RTL4: variants seen among roughly 807,000 people sequenced by gnomAD.
RTL4 encodes the protein retrotransposon Gag like 4, also known as retrotransposon Gag-like protein 4.
In RTL4, 4 loss-of-function variants were observed where a neutral mutation model predicts 5.3. The observed-to-expected ratio is 0.75, with a 90% CI of 0.37 to 1.72. RTL4 has a LOEUF of 1.72. Among genes scored for constraint, RTL4 ranks in the 40% most tolerant of loss-of-function variants. The pLI is 0.04. For synonymous variants in RTL4, 98 were observed against 87.3 expected, an observed-to-expected ratio of 1.12 and a Z score of -0.68; for missense variants, 260 against 227.1, an observed-to-expected ratio of 1.14 and a Z score of -0.93.
the RTL4 span, among the ~76,000 whole-genome samples, chrX:112,361,714 G>A: frequency 6.3e-5 from 7 of 110,725 alleles, no homozygotes; most frequent in South Asian, 3.8e-4. Flanking sequence ...TTCTGGTCTC[G>A]TGAATGTGTG....
chrX:112,260,710 C>G, the RTL4 span, among the ~76,000 whole-genome samples: 4 of 111,879 alleles, frequency 3.6e-5, no homozygotes, highest in Non-Finnish European at 1.9e-5. Context: ...CATAAGGCCG[C>G]TGCTTTCTCA....
chrX:112,400,750 T>G, the RTL4 span, among the ~76,000 whole-genome samples: 1 of 112,140 alleles, frequency 8.9e-6, no homozygotes, highest in Non-Finnish European at 1.9e-5. Flanking sequence ...GCAGCAGTGT[T>G]TAGTCTAGGG....
the RTL4 span, among the ~76,000 whole-genome samples, chrX:112,258,519 T>C: frequency 2.7e-5 from 3 of 112,067 alleles, no homozygotes; most frequent in Non-Finnish European, 5.6e-5. Context: ...ATATATTTAA[T>C]GGCATTTTAA....
chrX:112,444,749 G>A, the RTL4 span, among the ~76,000 whole-genome samples: 1 of 111,639 alleles, frequency 9.0e-6, no homozygotes, highest in East Asian at 2.8e-4. Flanking sequence ...GGTTGTATGT[G>A]TCTACAAATT....
chrX:112,138,030 G>A, the RTL4 span, among the ~76,000 whole-genome samples: 5 of 111,961 alleles, frequency 4.5e-5, no homozygotes, highest in Non-Finnish European at 7.5e-5. Flanking sequence ...AAAAAATGCA[G>A]TATATACATA....
At chrX:112,374,081 GA>G in the RTL4 span, among the ~76,000 whole-genome samples, 1 of 110,603 alleles carries the variant, frequency 9.0e-6, no homozygotes, top group Admixed American at 9.7e-5. Flanking sequence ...TTTTGAGTGT[GA>G]AAAATGTTTG....
At chrX:112,139,469 G>A in the RTL4 span, among the ~76,000 whole-genome samples, 14 of 111,876 alleles carry the variant, frequency 1.3e-4, no homozygotes, top group African/African-American at 3.9e-4. Context: ...ACACTTTGAG[G>A]TTATGTTAAT....
the RTL4 span, among the ~76,000 whole-genome samples, chrX:112,203,487 GCAC>G: frequency 9.0e-6 from 1 of 111,225 alleles, no homozygotes; most frequent in Non-Finnish European, 1.9e-5. Context: ...AAGTGTTCTA[GCAC>G]CACTTGTTAA....
chrX:112,260,692 C>T, the RTL4 span, among the ~76,000 whole-genome samples: 5 of 111,770 alleles, frequency 4.5e-5, no homozygotes, highest in African/African-American at 1.6e-4. Flanking sequence ...AGAAAATGAA[C>T]GTATACACAT....
At chrX:112,128,585 G>A in the RTL4 span, among the ~76,000 whole-genome samples, 2 of 103,344 alleles carry the variant, frequency 1.9e-5, no homozygotes, top group Non-Finnish European at 4.0e-5. Context: ...CTTGAACCCG[G>A]AAGTGGAGGT....
the RTL4 span, among the ~76,000 whole-genome samples, chrX:112,284,009 A>ATTTAT: frequency 8.2e-5 from 9 of 109,175 alleles, no homozygotes; most frequent in South Asian, 3.5e-3. Context: ...TTATTTATTT[A>ATTTAT]TTTATTTTAT....
the RTL4 span, among the ~76,000 whole-genome samples, chrX:112,376,453 A>G: frequency 6.5e-3 from 724 of 111,656 alleles, 4 homozygotes; most frequent in African/African-American, 0.022. Context: ...CCCAAGATCC[A>G]GTGGAAGTCT....
At chrX:112,434,752 C>A in the RTL4 span, among the ~76,000 whole-genome samples, 1 of 111,789 alleles carries the variant, frequency 8.9e-6, no homozygotes, top group African/African-American at 3.3e-5. Flanking sequence ...ATTTTAGAAA[C>A]AAATTATTGT....
the RTL4 span, among the ~76,000 whole-genome samples, chrX:112,128,678 A>AAAAAAAAAAAAG: frequency 1.9e-5 from 2 of 106,421 alleles, no homozygotes; most frequent in African/African-American, 6.9e-5. Flanking sequence ...AAAAAAAAAA[A>AAAAAAAAAAAAG]GTAAAAGAAC....
the RTL4 span, among the ~76,000 whole-genome samples, chrX:112,196,536 T>A: frequency 8.9e-6 from 1 of 112,067 alleles, no homozygotes; most frequent in East Asian, 2.8e-4. Context: ...TGTATTTGCA[T>A]ACTAGTTTTT....
the RTL4 span, among the ~76,000 whole-genome samples, chrX:112,236,537 G>T: frequency 1.0e-5 from 1 of 95,564 alleles, no homozygotes; most frequent in East Asian, 3.3e-4. Flanking sequence ...TGTCTTCTGT[G>T]AAGACAGAGT....
At chrX:112,194,819 AC>A in the RTL4 span, among the ~76,000 whole-genome samples, 1 of 112,164 alleles carries the variant, frequency 8.9e-6, no homozygotes, top group African/African-American at 3.2e-5. Context: ...CTACGGAAGT[AC>A]TAACTCACAT....
chrX:112,143,067 G>A, the RTL4 span, among the ~76,000 whole-genome samples: 3 of 111,530 alleles, frequency 2.7e-5, no homozygotes, highest in East Asian at 8.5e-4. Flanking sequence ...GACCTCAAGT[G>A]ATCCGCCTGC....
At chrX:112,405,946 C>T in the RTL4 span, among the ~76,000 whole-genome samples, 3 of 110,550 alleles carry the variant, frequency 2.7e-5, no homozygotes, top group Non-Finnish European at 5.7e-5. Flanking sequence ...AACTGTGAGG[C>T]ATTGAACTCA....
Sources: allele counts gnomAD v4.1 joint callset (sites outside exome capture counted in the v4.1 genomes callset), GRCh38; gene constraint gnomAD v4.1.1; transcripts MANE v1.5; gene names NCBI Gene and HGNC (gene_info 2026-07-23, HGNC 2026-07-21).